The following MCOLN2 variants were observed in gnomAD, a reference collection of about 807,000 sequenced individuals.
MCOLN2 encodes the protein mucolipin-2.
Under a neutral mutation model 67.5 loss-of-function variants are expected in MCOLN2, and 57 were observed. That is an observed-to-expected ratio of 0.84 (90% CI 0.68 to 1.05). The LOEUF is 1.05. MCOLN2 is among the 50% of genes least tolerant of loss of function. The pLI is 0.00. For missense variants in MCOLN2, 620 were observed against 678.8 expected, an observed-to-expected ratio of 0.91 and a Z score of 0.96; for synonymous variants, 246 against 233.3, an observed-to-expected ratio of 1.05 and a Z score of -0.50.
intron 1 of MCOLN2, among the ~76,000 whole-genome samples, chr1:84,977,618 GACA>G (rs1557659673): frequency 6.6e-6 from 1 of 152,038 alleles, no homozygotes; most frequent in Non-Finnish European, 1.5e-5. Flanking sequence ...CAGATTTTAA[GACA>G]ACAACTATAA....
At position 84,996,939 on chromosome 1, in the gene MCOLN2, T is replaced by C; in HGVS notation, c.-67A>G. The C allele has an allele frequency of 2.8e-6, 4 of 1,426,172 alleles. No homozygotes were observed. Among genetic ancestry groups the C allele is most frequent in the Non-Finnish European group, 3.9e-6 (4 of 1,013,068 alleles). 88.3% of individuals were successfully genotyped at this position (1,426,172 alleles called of 1,614,324 possible). A position where few individuals can be genotyped will look rare whatever the true frequency, so the allele number is the denominator to read the frequency against. ...ACAGGAAACACCGTTCACGGCCGACTCATTTCGCCCTCGCCGTAACGCGTC... is the reference window on the plus strand; with the variant it reads ...ACAGGAAACACCGTTCACGGCCGACCCATTTCGCCCTCGCCGTAACGCGTC... On this transcript the variant is annotated 5_prime_UTR_variant, in exon 1 of 14. Transcript: ENST00000370608.
chr1:84,956,239 C>T (rs1457384431), intron 4 of MCOLN2, among the ~76,000 whole-genome samples, 192 bp downstream of exon 4: 2 of 152,140 alleles, frequency 1.3e-5, no homozygotes, highest in Non-Finnish European at 2.9e-5. Context: ...AAATGCTGTC[C>T]CTGTCCCATC....
chr1:84,936,618 TGTTA>T (rs1249038845), intron 11 of MCOLN2, among the ~76,000 whole-genome samples: 1 of 152,184 alleles, frequency 6.6e-6, no homozygotes, highest in East Asian at 1.9e-4. Context: ...GTTGTCACTT[TGTTA>T]ATTATATAAT....
chr1:84,945,742 T>A (rs1240663068), intron 7 of MCOLN2, among the ~76,000 whole-genome samples: 1 of 152,164 alleles, frequency 6.6e-6, no homozygotes. Context: ...ATTTTAATTT[T>A]TTTATTTATT....
rs1048426961 is a variant in MCOLN2, at chr1:84,978,691, G to A, written c.78-12983C>T. Reference sequence around the variant, plus strand: ...TAGACCAATAACAAGTAATGAGATCGAAGCTGTAACAGGAAGTCTCCCAGC... The same window carrying A: ...TAGACCAATAACAAGTAATGAGATCAAAGCTGTAACAGGAAGTCTCCCAGC... On this transcript the variant is annotated intron_variant, in intron 1 of 13. Transcript: ENST00000370608. 3.3e-5 allele frequency among the ~76,000 whole-genome samples: 5 copies of A among 152,082 alleles called. No individual in the cohort carries two copies. The East Asian group carries it at 5.8e-4, about 18-fold the overall frequency.
intron 13 of MCOLN2, 98 bp from the exon 14 acceptor site, chr1:84,926,819 T>C (rs900274446): frequency 4.8e-6 from 4 of 836,946 alleles, no homozygotes; most frequent in Middle Eastern, 3.8e-4. Context: ...CCGTAGATTA[T>C]AGACATGTTG....
chr1:84,979,573 C>A (rs1290627245), intron 1 of MCOLN2, among the ~76,000 whole-genome samples: 4 of 152,100 alleles, frequency 2.6e-5, no homozygotes, highest in Non-Finnish European at 5.9e-5. Context: ...AAAATAAAAA[C>A]AATATGATCA....
intron 8 of MCOLN2, 73 bp downstream of exon 8, chr1:84,940,806 C>T (rs561946608): frequency 1.4e-5 from 13 of 908,764 alleles, no homozygotes; most frequent in Middle Eastern, 2.2e-4. Flanking sequence ...TGCACAATAT[C>T]GGTGGTCCAC....
chr1:84,927,042 G>A (rs1028700268), intron 13 of MCOLN2, among the ~76,000 whole-genome samples: 2 of 151,812 alleles, frequency 1.3e-5, no homozygotes, highest in African/African-American at 2.4e-5. Context: ...GGAAATGTTG[G>A]GGGGTAGGGG....
chr1:84,956,121 T>G (rs1465376750), intron 4 of MCOLN2, among the ~76,000 whole-genome samples: 1 of 151,550 alleles, frequency 6.6e-6, no homozygotes, highest in Non-Finnish European at 1.5e-5. Context: ...ATACAGACCG[T>G]TTTTTCAGAA....
At chr1:84,962,432 G>A (rs1649137442) in intron 2 of MCOLN2, among the ~76,000 whole-genome samples, 1 of 152,164 alleles carries the variant, frequency 6.6e-6, no homozygotes. Context: ...TTAGTCAGCT[G>A]TTTAAGAGGC....
At chr1:84,986,956 A>G (rs1650537805) in intron 1 of MCOLN2, among the ~76,000 whole-genome samples, 1 of 152,126 alleles carries the variant, frequency 6.6e-6, no homozygotes, top group African/African-American at 2.4e-5. Flanking sequence ...CAACCACTGA[A>G]AACAATGTGG....
chr1:84,925,630 T>C lies in MCOLN2; in HGVS notation c.*1055A>G, dbSNP rs1661122843. 6.6e-6 allele frequency: 1 copy of C among 152,210 alleles called. No homozygotes were observed. The highest frequency in any genetic ancestry group is 1.5e-5 in the Non-Finnish European group (1 of 68,044). The allele number at this position is 152,210 out of a possible 1,614,324, so 9.4% of individuals were successfully genotyped here. A position where few individuals can be genotyped will look rare whatever the true frequency, so the allele number is the denominator to read the frequency against. On this transcript the variant is annotated 3_prime_UTR_variant, in exon 14 of 14. Transcript: ENST00000370608. ...TTTAGAGAAAATATATCATATTTCT[T>C]TTCTAGACAAAGGTAAATACCCAAC...
chr1:84,974,935 G>A (rs921728795), intron 1 of MCOLN2, among the ~76,000 whole-genome samples: 1 of 152,176 alleles, frequency 6.6e-6, no homozygotes, highest in African/African-American at 2.4e-5. Flanking sequence ...ATGACCATGG[G>A]GAAGGTCTCC....
chr1:84,968,606 C>G (rs921828550), intron 1 of MCOLN2, among the ~76,000 whole-genome samples: 1 of 152,102 alleles, frequency 6.6e-6, no homozygotes. Context: ...GGTTTTTGTC[C>G]GCAGCTCCTA....
rs1432072876 is a variant in MCOLN2, at chr1:84,945,701, G to C, written c.847+1332C>G. ...ATTCTTTACTGAGCAAACAGAACAGGTTCCATAGGTAGCCCATGATATTTT... is the reference window on the plus strand; with the variant it reads ...ATTCTTTACTGAGCAAACAGAACAGCTTCCATAGGTAGCCCATGATATTTT... On this transcript the variant is annotated intron_variant, in intron 7 of 13. Coordinates refer to ENST00000370608, the MANE Select transcript of MCOLN2 (RefSeq NM_153259.4). 2.0e-5 allele frequency among the ~76,000 whole-genome samples: 3 copies of C among 151,944 alleles called. No individual in the cohort carries two copies. The East Asian group carries it at 5.8e-4, about 29-fold the overall frequency.
At chr1:84,959,646 A>C (rs542422811) in intron 2 of MCOLN2, among the ~76,000 whole-genome samples, 25 of 152,244 alleles carry the variant, frequency 1.6e-4, no homozygotes, top group African/African-American at 5.5e-4. Context: ...AAATCTCTAT[A>C]AGCCCTGTCC....
At chr1:84,949,489 A>G (rs1648297879) in intron 6 of MCOLN2, among the ~76,000 whole-genome samples, 1 of 152,102 alleles carries the variant, frequency 6.6e-6, no homozygotes, top group Admixed American at 6.6e-5. Context: ...ATACAAAAAA[A>G]AATTAGCTGG....
At chr1:84,987,489 C>CAT (rs1420848202) in intron 1 of MCOLN2, among the ~76,000 whole-genome samples, 1,061 of 10,998 alleles carry the variant, frequency 0.096, 59 homozygotes, top group Non-Finnish European at 0.18. Flanking sequence ...TACATATATA[C>CAT]ATATGTATAC....
Sources: allele counts gnomAD v4.1 joint callset (sites outside exome capture counted in the v4.1 genomes callset), GRCh38; gene constraint gnomAD v4.1.1; transcripts MANE v1.5; gene names NCBI Gene and HGNC (gene_info 2026-07-23, HGNC 2026-07-21).